Variants in C1orf21 observed in about 807,000 individuals in gnomAD.
C1orf21 encodes the protein uncharacterized protein C1orf21.
Under a neutral mutation model 18.7 loss-of-function variants are expected in C1orf21, and 3 were observed. That is an observed-to-expected ratio of 0.16 (90% confidence interval 0.07 to 0.42). C1orf21 has a LOEUF of 0.42. C1orf21 is among the 10% of genes least tolerant of loss of function. C1orf21 has a pLI of 0.99. For synonymous variants in C1orf21, 41 were observed against 46.4 expected (o/e 0.88, Z 0.47); for missense variants, 104 against 143.6 (o/e 0.72, Z 1.41).
At chr1:184,480,108 A>G (rs187335984) in intron 2 of C1orf21, among the ~76,000 whole-genome samples, 1 of 152,218 alleles carries the variant, frequency 6.6e-6, no homozygotes, top group East Asian at 1.9e-4. Flanking sequence ...GACATACCTC[A>G]TGATAACAGT....
chr1:184,525,952 G>A (rs1462295239), intron 3 of C1orf21, among the ~76,000 whole-genome samples: 3 of 152,064 alleles, frequency 2.0e-5, no homozygotes, highest in African/African-American at 7.2e-5. Context: ...ATAATTTCAG[G>A]ACTTTATAAG....
intron 1 of C1orf21, among the ~76,000 whole-genome samples, chr1:184,417,740 C>T (rs961911593): frequency 1.3e-5 from 2 of 152,172 alleles, no homozygotes; most frequent in African/African-American, 4.8e-5. Context: ...TCTTCTTCTC[C>T]CGCTTTCTCT....
At chr1:184,545,641 G>C (rs929540636) in intron 3 of C1orf21, among the ~76,000 whole-genome samples, 2 of 152,118 alleles carry the variant, frequency 1.3e-5, no homozygotes, top group Admixed American at 1.3e-4. Context: ...ATCTTCACTT[G>C]AAGCTGGTTT....
intron 4 of C1orf21, among the ~76,000 whole-genome samples, chr1:184,597,191 GATAAAGGGCAGTAAAATT>G (rs1461470915): frequency 1.3e-5 from 2 of 152,214 alleles, no homozygotes; most frequent in East Asian, 3.9e-4. Flanking sequence ...TGAATGATCA[GATAAAGGGCAGTAAAATT>G]ACGTGATATA....
rs147013455 is a variant in C1orf21, at chr1:184,551,582, T to G, written c.190-39157T>G. 7.6e-3 allele frequency among the ~76,000 whole-genome samples: 1,150 copies of G among 152,284 alleles called. 6 individuals carry two copies. The highest frequency in any genetic ancestry group is 0.02 in the Middle Eastern group (6 of 294). ...GATCTTCCCTCACTGGGCTCATCATTAATATAGTTTTGTTACATCAGCTGT... is the reference window on the plus strand; with the variant it reads ...GATCTTCCCTCACTGGGCTCATCATGAATATAGTTTTGTTACATCAGCTGT... On this transcript the variant is annotated intron_variant, in intron 3 of 5. Coordinates refer to ENST00000235307, the MANE Select transcript of C1orf21 (RefSeq NM_030806.4).
intron 1 of C1orf21, among the ~76,000 whole-genome samples, chr1:184,419,614 T>A (rs375559511): frequency 1.1e-3 from 161 of 152,092 alleles, no homozygotes; most frequent in African/African-American, 3.7e-3. Context: ...TTACGCCATA[T>A]GTTTGAAAGT....
intron 5 of C1orf21, among the ~76,000 whole-genome samples, chr1:184,607,354 A>G (rs1366426016): frequency 6.6e-6 from 1 of 152,064 alleles, no homozygotes; most frequent in Non-Finnish European, 1.5e-5. Context: ...GTGAGTTTGG[A>G]ATATATTTAT....
chr1:184,416,367 A>G (rs1261601642), intron 1 of C1orf21, among the ~76,000 whole-genome samples: 1 of 152,194 alleles, frequency 6.6e-6, no homozygotes, highest in East Asian at 1.9e-4. Flanking sequence ...AAATTAATCA[A>G]AATGTTAGAA....
chr1:184,411,461 G>T (rs7548074), intron 1 of C1orf21, among the ~76,000 whole-genome samples: 2 of 135,596 alleles, frequency 1.5e-5, no homozygotes, highest in Admixed American at 8.4e-5. Flanking sequence ...TCACTCTGTC[G>T]CCCAGGCTGG....
intron 2 of C1orf21, among the ~76,000 whole-genome samples, chr1:184,490,884 A>G (rs1034114739): frequency 2.6e-5 from 4 of 151,816 alleles, no homozygotes; most frequent in Non-Finnish European, 5.9e-5. Flanking sequence ...TACTTCTTTT[A>G]TATTTTCCAA....
intron 3 of C1orf21, chr1:184,540,013 T>C (rs1023438839): frequency 1.3e-5 from 2 of 152,236 alleles, no homozygotes; most frequent in Non-Finnish European, 2.9e-5. Context: ...CCTTGTTGTT[T>C]TAAGCCATTC....
In C1orf21 at chr1:184,567,420, A is replaced by G. The variant is rs951588964; in HGVS notation, c.190-23319A>G. 6.8e-5 allele frequency: 36 copies of G among 533,162 alleles called. No individual in the cohort carries two copies. The African/African-American group carries it at 6.9e-4, about 10-fold the overall frequency. 33.0% of individuals were successfully genotyped at this position (533,162 alleles called of 1,614,324 possible). A position where few individuals can be genotyped will look rare whatever the true frequency, so the allele number is the denominator to read the frequency against. ...ATCTTTAAAGATCTCCTGGGCTTGA[A>G]GGTCTGCATCTCTCCAGATGCCTTT... is the stretch of plus-strand genomic sequence containing the variant. On this transcript the variant is annotated intron_variant, in intron 3 of 5. Transcript: ENST00000235307.
intron 5 of C1orf21, among the ~76,000 whole-genome samples, chr1:184,615,451 CA>C (rs1400881027): frequency 6.6e-6 from 1 of 152,166 alleles, no homozygotes; most frequent in African/African-American, 2.4e-5. Context: ...GTCCTTTGCA[CA>C]AGGGTGGGAT....
At chr1:184,573,325 A>T (rs182957755) in intron 3 of C1orf21, among the ~76,000 whole-genome samples, 71 of 152,314 alleles carry the variant, frequency 4.7e-4, no homozygotes, top group Non-Finnish European at 6.3e-4. Flanking sequence ...TGTTTTTAGT[A>T]GTGGTATTTC....
intron 1 of C1orf21, among the ~76,000 whole-genome samples, chr1:184,467,829 A>C (rs1657425892): frequency 6.6e-6 from 1 of 152,104 alleles, no homozygotes; most frequent in Non-Finnish European, 1.5e-5. Context: ...TTCCTCTCAA[A>C]ATTCATGAGG....
chr1:184,444,691 T>C (rs1318673694), intron 1 of C1orf21, among the ~76,000 whole-genome samples: 2 of 152,144 alleles, frequency 1.3e-5, no homozygotes, highest in African/African-American at 4.8e-5. Context: ...AAAATGAATA[T>C]ATAATATATA....
At chr1:184,499,555 C>T (rs1418970423) in intron 2 of C1orf21, among the ~76,000 whole-genome samples, 1 of 152,096 alleles carries the variant, frequency 6.6e-6, no homozygotes, top group Non-Finnish European at 1.5e-5. Flanking sequence ...CTAACTTTTG[C>T]TCATCTCTCT....
At chr1:184,488,837 C>T (rs547608233) in intron 2 of C1orf21, among the ~76,000 whole-genome samples, 74 of 152,072 alleles carry the variant, frequency 4.9e-4, no homozygotes, top group African/African-American at 1.6e-3. Flanking sequence ...TGGCAGCGTG[C>T]GCCTGTAGTC....
At chr1:184,448,430 A>C (rs953438805) in intron 1 of C1orf21, among the ~76,000 whole-genome samples, 2 of 152,162 alleles carry the variant, frequency 1.3e-5, no homozygotes, top group Non-Finnish European at 2.9e-5. Flanking sequence ...GGCTTGCTGG[A>C]GGATTTGCTG....
Sources: allele counts gnomAD v4.1 joint callset (sites outside exome capture counted in the v4.1 genomes callset), GRCh38; gene constraint gnomAD v4.1.1; transcripts MANE v1.5; gene names NCBI Gene and HGNC (gene_info 2026-07-23, HGNC 2026-07-21).